The following VPS13B variants were observed in gnomAD, a reference collection of about 807,000 sequenced individuals.
The protein encoded by VPS13B is vacuolar protein sorting 13 homolog B.
Under a neutral mutation model 426.4 loss-of-function variants are expected in VPS13B, and 285 were observed. The ratio of observed to expected loss-of-function variants is 0.67; its 90% CI spans 0.61 to 0.74. VPS13B has a LOEUF of 0.74. Ranked by LOEUF, VPS13B falls within the 30% of genes least tolerant of loss-of-function variation. The pLI, the probability that VPS13B is intolerant of heterozygous loss-of-function variation, is 0.00. For synonymous variants in VPS13B, 1,676 were observed against 1,676.4 expected (o/e 1.00, Z 0.01); for missense variants, 4,537 against 4,782.6 (o/e 0.95, Z 1.51).
chr8:99,063,653 A>G (rs1275254923), intron 3 of VPS13B, among the ~76,000 whole-genome samples: 1 of 152,242 alleles, frequency 6.6e-6, no homozygotes, highest in Non-Finnish European at 1.5e-5. Context: ...GCATAGCTGA[A>G]CAAAAGGCAG....
At chr8:99,625,630 G>C (rs1324539623) in intron 33 of VPS13B, among the ~76,000 whole-genome samples, 2 of 152,058 alleles carry the variant, frequency 1.3e-5, no homozygotes, top group South Asian at 4.1e-4. Flanking sequence ...TGAGGCGGGC[G>C]ATCACATAAG....
intron 14 of VPS13B, among the ~76,000 whole-genome samples, chr8:99,152,643 A>G (rs1223180345): frequency 6.6e-6 from 1 of 151,980 alleles, no homozygotes; most frequent in African/African-American, 2.4e-5. Flanking sequence ...ATTTTATCAC[A>G]TTTTGCTTTA....
intron 3 of VPS13B, 122 bp downstream of exon 3, chr8:99,038,688 T>G: frequency 1.2e-6 from 1 of 820,468 alleles, no homozygotes; most frequent in Non-Finnish European, 1.8e-6. Flanking sequence ...ACTTTTTTTT[T>G]TTTTTTTTTT....
At chr8:99,017,271 C>T (rs1841671645) in intron 2 of VPS13B, among the ~76,000 whole-genome samples, 1 of 152,078 alleles carries the variant, frequency 6.6e-6, no homozygotes, top group Admixed American at 6.5e-5. Context: ...TACAGTAAGC[C>T]TTTGCTGTAA....
chr8:99,030,701 C>T lies in VPS13B; in HGVS notation c.148-7722C>T, dbSNP rs1003678601. On this transcript the variant is annotated intron_variant, in intron 2 of 61. Coordinates refer to ENST00000357162, the MANE Select transcript of VPS13B (RefSeq NM_152564.5). ...GTTCAGAAAGCACTCAGTGATCTCA[C>T]CATATTCATTGTTTTTTTAACTGTG... 4.6e-5 allele frequency among the ~76,000 whole-genome samples: 7 copies of T among 152,184 alleles called. 1 individual carries two copies. The highest frequency in any genetic ancestry group is 1.7e-4 in the African/African-American group (7 of 41,434).
intron 35 of VPS13B, among the ~76,000 whole-genome samples, chr8:99,664,929 T>C (rs998909687): frequency 1.1e-4 from 16 of 152,156 alleles, no homozygotes; most frequent in South Asian, 6.2e-4. Context: ...TTTACAGTCC[T>C]GCCAACAGTG....
At chr8:99,053,207 G>A (rs1335822122) in intron 3 of VPS13B, among the ~76,000 whole-genome samples, 2 of 151,840 alleles carry the variant, frequency 1.3e-5, no homozygotes, top group Non-Finnish European at 2.9e-5. Context: ...TGTTACATAT[G>A]TATACATGTG....
In VPS13B at chr8:99,817,716, G is replaced by A. The variant is rs2130810962; in HGVS notation, c.8274G>A (p.Glu2758=). 1 of 1,614,112 alleles carries A rather than the reference G, an allele frequency of 6.2e-7. No homozygotes were observed. The highest frequency in any genetic ancestry group is 8.5e-7 in the Non-Finnish European group (1 of 1,179,986). Residue 2758 remains glutamate (E), a synonymous_variant, in exon 45 of 62, where the codon GAG becomes GAA. Coordinates refer to ENST00000357162, the MANE Select transcript of VPS13B (RefSeq NM_152564.5). ...SYILENNELT[E]LCVKAKGDED... is the part of the protein sequence containing the mutation. Reference sequence around the variant, plus strand: ...TACTAGAAAACAATGAACTGACGGAGCTGTGTGTGAAGGCCAAAGGAGATG... The same window carrying A: ...TACTAGAAAACAATGAACTGACGGAACTGTGTGTGAAGGCCAAAGGAGATG...
At chr8:99,830,757 G>A (rs1393174996) in intron 51 of VPS13B, among the ~76,000 whole-genome samples, 1 of 152,200 alleles carries the variant, frequency 6.6e-6, no homozygotes, top group Non-Finnish European at 1.5e-5. Context: ...CTCCTGGTCT[G>A]TGGGTTGCAA....
intron 19 of VPS13B, among the ~76,000 whole-genome samples, chr8:99,298,342 A>C (rs1168462531): frequency 2.0e-5 from 3 of 151,942 alleles, no homozygotes; most frequent in South Asian, 2.1e-4. Context: ...CACAAAATTA[A>C]CTGGGTGTGG....
intron 23 of VPS13B, among the ~76,000 whole-genome samples, chr8:99,452,565 G>A (rs1053143957): frequency 1.3e-5 from 2 of 151,958 alleles, no homozygotes; most frequent in African/African-American, 4.8e-5. Context: ...TTACTCTAAG[G>A]GAGGAAGAAC....
intron 30 of VPS13B, among the ~76,000 whole-genome samples, chr8:99,553,078 G>A (rs1824369966): frequency 6.6e-6 from 1 of 152,076 alleles, no homozygotes; most frequent in African/African-American, 2.4e-5. Flanking sequence ...TCATTTGCGT[G>A]AGCCCTGAGC....
chr8:99,135,857 C>T, intron 11 of VPS13B, 124 bp downstream of exon 11: 1 of 1,314,352 alleles, frequency 7.6e-7, no homozygotes, highest in Non-Finnish European at 1.1e-6. Context: ...TTTATTAAAA[C>T]ATTTAGAATG....
intron 61 of VPS13B, chr8:99,874,884 T>A (rs1353336164): frequency 2.6e-5 from 4 of 154,602 alleles, no homozygotes; most frequent in African/African-American, 9.7e-5. Context: ...TCCTAGGATT[T>A]AGAAAAGCAG....
At chr8:99,107,930 GAT>G in intron 5 of VPS13B, among the ~76,000 whole-genome samples, 1 of 152,276 alleles carries the variant, frequency 6.6e-6, no homozygotes, top group Middle Eastern at 3.4e-3. Context: ...TTGGTGTACA[GAT>G]TATTCTGTCA....
intron 30 of VPS13B, chr8:99,527,852 C>G (rs1305692704): frequency 6.6e-6 from 1 of 151,934 alleles, no homozygotes; most frequent in Non-Finnish European, 1.5e-5. Context: ...GTGATGTTTA[C>G]AACTAATTGA....
chr8:99,376,137 A>T (rs1051219959), intron 19 of VPS13B, among the ~76,000 whole-genome samples: 10 of 152,222 alleles, frequency 6.6e-5, no homozygotes, highest in African/African-American at 2.4e-4. Flanking sequence ...GAGAGCAGTA[A>T]ACCACACTTT....
At chr8:99,205,495 A>T (rs1814651502) in intron 17 of VPS13B, among the ~76,000 whole-genome samples, 1 of 152,160 alleles carries the variant, frequency 6.6e-6, no homozygotes, top group African/African-American at 2.4e-5. Flanking sequence ...CCAGAACTTA[A>T]AGTATAATAA....
intron 39 of VPS13B, among the ~76,000 whole-genome samples, chr8:99,734,528 A>T (rs1563888447): frequency 6.6e-6 from 1 of 152,152 alleles, no homozygotes; most frequent in Non-Finnish European, 1.5e-5. Flanking sequence ...ATAATAGGAG[A>T]TGGGTGTGAA....
Sources: allele counts gnomAD v4.1 joint callset (sites outside exome capture counted in the v4.1 genomes callset), GRCh38; gene constraint gnomAD v4.1.1; transcripts MANE v1.5; gene names NCBI Gene and HGNC (gene_info 2026-07-23, HGNC 2026-07-21).